Variants in DDC observed in about 807,000 individuals in gnomAD.
DDC encodes the protein dopa decarboxylase.
Under a neutral mutation model 60.0 loss-of-function variants are expected in DDC, and 43 were observed. The ratio of observed to expected loss-of-function variants is 0.72; its 90% CI spans 0.56 to 0.92. DDC has a LOEUF of 0.92. Ranked by LOEUF, DDC falls within the 40% of genes least tolerant of loss-of-function variation. DDC has a pLI of 0.00. For synonymous variants in DDC, 232 were observed against 234.6 expected (o/e 0.99, Z 0.10); for missense variants, 573 against 620.2 (o/e 0.92, Z 0.81).
At chr7:50,484,861 T>C (rs1242464005) in intron 9 of DDC, among the ~76,000 whole-genome samples, 2 of 152,194 alleles carry the variant, frequency 1.3e-5, no homozygotes, top group African/African-American at 4.8e-5. Context: ...TACATAGTGC[T>C]CACTGAATGA....
chr7:50,499,006 G>C (rs2043184433), intron 8 of DDC, 142 bp downstream of exon 8: 1 of 715,292 alleles, frequency 1.4e-6, no homozygotes, highest in South Asian at 1.5e-5. Context: ...CCCCTATTCT[G>C]AGGAAGTCGG....
Position 50,537,914 on chromosome 7 carries a change from T to G in DDC, c.381A>C (p.Glu127Asp). ...TCTCATTCAAAAATGCCTTTGGTAG[T>G]TCCAGCATCTTCCCGAGCCAGTCCA... ...VMMDWLGKML[E>D]LPKAFLNEKA... Residue 127 changes from glutamate (E) to aspartate (D), a missense_variant, in exon 4 of 15, where the codon GAA (glutamate) becomes GAC (aspartate). Transcript: ENST00000444124. 6.2e-7 allele frequency: 1 copy of G among 1,614,172 alleles called. No individual in the cohort carries two copies. Among genetic ancestry groups the G allele is most frequent in the Non-Finnish European group, 8.5e-7 (1 of 1,180,040 alleles).
intron 9 of DDC, among the ~76,000 whole-genome samples, chr7:50,489,864 G>T (rs1167143898): frequency 1.3e-5 from 2 of 152,118 alleles, no homozygotes; most frequent in African/African-American, 4.8e-5. Flanking sequence ...ATTATAAAAG[G>T]TTATAAAATG....
At position 50,510,161 on chromosome 7, in the gene DDC, G is replaced by T. The variant is rs570271245; in HGVS notation, c.715-6102C>A. 2.0e-5 allele frequency among the ~76,000 whole-genome samples: 3 copies of T among 152,040 alleles called. No individual in the cohort carries two copies. In the South Asian group the frequency reaches 6.2e-4, roughly 32 times the overall value. ...TAATTTTGTTTTTGTATTTTCAGTA[G>T]AGAAGGGGTTTCACCGTGTTAGCCA... On this transcript the variant is annotated intron_variant, in intron 6 of 14. Transcript: ENST00000444124.
chr7:50,515,291 T>C (rs948050794), intron 6 of DDC, among the ~76,000 whole-genome samples: 5 of 152,214 alleles, frequency 3.3e-5, no homozygotes, highest in Non-Finnish European at 7.3e-5. Flanking sequence ...GCCAAGAATT[T>C]TGTATCCAGC....
intron 14 of DDC, 149 bp downstream of exon 14, chr7:50,463,064 G>T: frequency 1.4e-6 from 1 of 694,008 alleles, no homozygotes; most frequent in South Asian, 1.7e-5. Flanking sequence ...CACCGCACCC[G>T]GCCTTCTCTT....
intron 1 of DDC, among the ~76,000 whole-genome samples, chr7:50,561,592 G>A (rs1037662805): frequency 6.6e-5 from 10 of 152,090 alleles, no homozygotes; most frequent in African/African-American, 2.2e-4. Context: ...AAGCCTATCA[G>A]CATCTAAAAC....
chr7:50,476,167 C>T (rs1426848650), intron 11 of DDC, among the ~76,000 whole-genome samples: 1 of 152,232 alleles, frequency 6.6e-6, no homozygotes, highest in Non-Finnish European at 1.5e-5. Context: ...AAGTATGCCT[C>T]ATTCAACACT....
rs13233973 is a variant in DDC, at chr7:50,459,869, C to T, written c.*19-1026G>A. On this transcript the variant is annotated intron_variant, in intron 14 of 14. Transcript: ENST00000444124. Reference sequence around the variant, plus strand: ...CCCCGGCCCGGCCAGCCGCCCCGTCCGGGAGGGAGGTGGGGGGGTCAGCCC... The same window carrying T: ...CCCCGGCCCGGCCAGCCGCCCCGTCTGGGAGGGAGGTGGGGGGGTCAGCCC... 9.7e-5 allele frequency among the ~76,000 whole-genome samples: 14 copies of T among 144,736 alleles called. 2 individuals are homozygous for T. The highest frequency in any genetic ancestry group is 1.6e-4 in the African/African-American group (6 of 37,860). 95.0% of individuals were successfully genotyped at this position (144,736 alleles called of 152,430 possible).
chr7:50,543,594 G>T (rs929932189), intron 2 of DDC: 13 of 452,000 alleles, frequency 2.9e-5, no homozygotes, highest in Middle Eastern at 6.6e-4. Context: ...TATGTACCGA[G>T]TGTCTCTGGG....
At chr7:50,516,148 C>A (rs2043721978) in intron 6 of DDC, among the ~76,000 whole-genome samples, 1 of 152,164 alleles carries the variant, frequency 6.6e-6, no homozygotes, top group South Asian at 2.1e-4. Flanking sequence ...GCGCATGGAA[C>A]TTTCTCCAAG....
At chr7:50,532,849 T>C (rs187429025) in intron 4 of DDC, among the ~76,000 whole-genome samples, 27 of 152,348 alleles carry the variant, frequency 1.8e-4, no homozygotes, top group African/African-American at 6.3e-4. Context: ...TGCTTCAATT[T>C]TTGTTTTGTT....
At position 50,524,255 on chromosome 7, in the gene DDC, C is replaced by T. The variant is rs1269430870; in HGVS notation, c.714+3882G>A. Among the ~76,000 whole-genome samples the T allele has an allele frequency of 4.6e-5, 7 of 152,222 alleles. No individual in the cohort carries two copies. In the East Asian group the frequency reaches 1.2e-3, roughly 25 times the overall value. On this transcript the variant is annotated intron_variant, in intron 6 of 14. Transcript: ENST00000444124. ...GAAATGGTAGATACTTGTCATTATA[C>T]ACTTGTTAAAACATATAGAAAATTC...
At chr7:50,533,107 T>G (rs1203704673) in intron 4 of DDC, among the ~76,000 whole-genome samples, 1 of 152,126 alleles carries the variant, frequency 6.6e-6, no homozygotes, top group Non-Finnish European at 1.5e-5. Flanking sequence ...ATTTAAATAG[T>G]GGGAAATGCT....
chr7:50,473,603 C>T (rs913072543), intron 11 of DDC, among the ~76,000 whole-genome samples: 6 of 152,246 alleles, frequency 3.9e-5, no homozygotes, highest in Admixed American at 6.5e-5. Flanking sequence ...CCTCCCAAGC[C>T]TGGTGGATGG....
At chr7:50,459,129 G>A (rs947700199) in intron 14 of DDC, among the ~76,000 whole-genome samples, 7 of 152,072 alleles carry the variant, frequency 4.6e-5, no homozygotes, top group Non-Finnish European at 1.0e-4. Flanking sequence ...ACTGGTTTTC[G>A]TATTTTTTTG....
At chr7:50,512,009 C>T (rs1005088744) in intron 6 of DDC, among the ~76,000 whole-genome samples, 3 of 151,796 alleles carry the variant, frequency 2.0e-5, no homozygotes, top group Non-Finnish European at 4.4e-5. Flanking sequence ...AAAACTTATC[C>T]ACAAAACCAA....
At chr7:50,537,748 G>A in intron 4 of DDC, 112 bp downstream of exon 4, 1 of 1,379,782 alleles carries the variant, frequency 7.2e-7, no homozygotes, top group Non-Finnish European at 1.0e-6. Context: ...TATTCTCCAG[G>A]AGAAATTTGA....
At chr7:50,510,574 C>G (rs1282211955) in intron 6 of DDC, among the ~76,000 whole-genome samples, 4 of 149,290 alleles carry the variant, frequency 2.7e-5, no homozygotes, top group Non-Finnish European at 5.9e-5. Flanking sequence ...GAGGCTGAGG[C>G]AGGAGAATCA....
Sources: allele counts gnomAD v4.1 joint callset (sites outside exome capture counted in the v4.1 genomes callset), GRCh38; gene constraint gnomAD v4.1.1; transcripts MANE v1.5; gene names NCBI Gene and HGNC (gene_info 2026-07-23, HGNC 2026-07-21).